The following SEH1L variants were observed in gnomAD, a reference collection of about 807,000 sequenced individuals.
SEH1L encodes SEH1 like nucleoporin.
SEH1L carries 18 observed loss-of-function variants against 49.5 expected under a neutral mutation model. The observed-to-expected ratio is 0.36, with a 90% CI of 0.25 to 0.54. SEH1L has a LOEUF of 0.54. Ranked by LOEUF, SEH1L falls within the 20% of genes least tolerant of loss-of-function variation. SEH1L has a pLI of 0.87. For missense variants in SEH1L, 404 were observed against 528.8 expected (o/e 0.76, Z 2.31); for synonymous variants, 169 against 178.1 (o/e 0.95, Z 0.41).
chr18:12,977,453 A>T (rs980865070), intron 5 of SEH1L: 3 of 152,232 alleles, frequency 2.0e-5, no homozygotes, highest in African/African-American at 7.2e-5. Context: ...TGCTGGGCGC[A>T]GTGGCTCACA....
At chr18:12,951,757 T>G in intron 1 of SEH1L, 98 bp from the exon 2 acceptor site, 1 of 723,732 alleles carries the variant, frequency 1.4e-6, no homozygotes, top group Non-Finnish European at 2.4e-6. Flanking sequence ...GTTAACTATA[T>G]GTTCACCGCT....
chr18:12,984,179 T>A lies in SEH1L; in HGVS notation c.1059T>A (p.Ser353=), dbSNP rs1568232991. ...GTCTTCAGAATTCATTAAATGGATC[T>A]TCTGCTGGCAGGTAGGCTGCTTCAT... is the stretch of plus-strand genomic sequence containing the variant. ...IPSLQNSLNG[S]SAGRYFFTPL... The change falls in exon 8 of 9, where the codon TCT becomes TCA. Residue 353 remains serine, a synonymous_variant. Transcript: ENST00000399892. 1 of 1,613,688 alleles carries A rather than the reference T, an allele frequency of 6.2e-7. No homozygotes were observed. The highest frequency in any genetic ancestry group is 8.5e-7 in the Non-Finnish European group (1 of 1,179,708).
intron 4 of SEH1L, among the ~76,000 whole-genome samples, chr18:12,963,869 C>T (rs1370905849): frequency 6.6e-6 from 1 of 152,226 alleles, no homozygotes; most frequent in African/African-American, 2.4e-5. Context: ...TGCGCCACCA[C>T]GTCTGCCTAA....
At chr18:12,975,628 A>G in intron 5 of SEH1L, 1 of 864,980 alleles carries the variant, frequency 1.2e-6, no homozygotes, top group Non-Finnish European at 1.4e-6. Context: ...CCAACAGGCC[A>G]GGCAGATTTT....
chr18:12,981,850 A>ATTTTTTTT lies in SEH1L; in HGVS notation c.762-648_762-641dup, dbSNP rs554886753. ...TTCTTTCCTACTTGCTGCCCTGCCC[A>ATTTTTTTT]TTTTTTTTTTTTTTTTTTTTTTTTT... On this transcript the variant is annotated intron_variant, in intron 6 of 8. Transcript: ENST00000399892. Among the ~76,000 whole-genome samples, 69 of 88,190 alleles carry ATTTTTTTT rather than the reference A, an allele frequency of 7.8e-4. 8 individuals are homozygous for ATTTTTTTT. The East Asian group carries it at 0.014, about 18-fold the overall frequency. The allele number at this position is 88,190 out of a possible 152,430, so 57.9% of individuals were successfully genotyped here.
intron 5 of SEH1L, among the ~76,000 whole-genome samples, chr18:12,974,840 A>G (rs1296120131): frequency 6.6e-6 from 1 of 152,200 alleles, no homozygotes; most frequent in African/African-American, 2.4e-5. Flanking sequence ...GAAAACTGAG[A>G]CCAACAGAGT....
At chr18:12,952,482 G>A (rs984048248) in intron 2 of SEH1L, among the ~76,000 whole-genome samples, 4 of 151,826 alleles carry the variant, frequency 2.6e-5, no homozygotes, top group African/African-American at 9.7e-5. Flanking sequence ...ATCCTCCCTC[G>A]GCCTCCCAAA....
intron 3 of SEH1L, among the ~76,000 whole-genome samples, chr18:12,961,120 T>G (rs995398752): frequency 6.6e-6 from 1 of 152,216 alleles, no homozygotes; most frequent in African/African-American, 2.4e-5. Context: ...AGTGGCCCAC[T>G]AGTGCCTGGG....
intron 6 of SEH1L, among the ~76,000 whole-genome samples, chr18:12,981,203 G>T (rs1031150776): frequency 6.6e-6 from 1 of 150,454 alleles, no homozygotes; most frequent in African/African-American, 2.5e-5. Context: ...GGGCAGAGAC[G>T]CTCCTCACTT....
intron 2 of SEH1L, 137 bp downstream of exon 2, chr18:12,952,042 T>G (rs1167138989): frequency 4.2e-6 from 2 of 481,806 alleles, no homozygotes; most frequent in East Asian, 7.8e-5. Flanking sequence ...TGTTTTTCGC[T>G]ATTAAAGTAA....
At chr18:12,982,759 T>A in intron 7 of SEH1L, 84 bp downstream of exon 7, 4 of 1,126,254 alleles carry the variant, frequency 3.6e-6, no homozygotes, top group Non-Finnish European at 5.0e-6. Flanking sequence ...GAAATATTTT[T>A]TGAAAATGGT....
intron 4 of SEH1L, among the ~76,000 whole-genome samples, chr18:12,967,371 AAGGCACATCCCAGCCTTCCTATGTTT>A (rs1480054099): frequency 6.6e-6 from 1 of 152,206 alleles, no homozygotes; most frequent in Non-Finnish European, 1.5e-5. Context: ...TTTTCTCCAT[AAGGCACATCCCAGCCTTCCTATGTTT>A]AGGAACACCA....
intron 6 of SEH1L, among the ~76,000 whole-genome samples, chr18:12,979,772 C>G (rs1335638225): frequency 3.6e-4 from 49 of 134,858 alleles, no homozygotes; most frequent in Admixed American, 1.6e-3. Flanking sequence ...CCCTCCCGGA[C>G]GGGGCGGCTG....
chr18:12,948,248 G>C lies in SEH1L; in HGVS notation c.111+16G>C. 1 of 1,599,126 alleles carries C rather than the reference G, an allele frequency of 6.3e-7. No individual in the cohort carries two copies. The highest frequency in any genetic ancestry group is 8.6e-7 in the Non-Finnish European group (1 of 1,168,362). On this transcript the variant is annotated intron_variant, in intron 1 of 8. Coordinates refer to ENST00000399892, the MANE Select transcript of SEH1L (RefSeq NM_001013437.2). ...GAGCGTTAAGGTGCGCGCGGCGCTT[G>C]CGGGCGGGGCCGACCCCGGAAGGAA...
chr18:12,971,123 A>G (rs1377877625), intron 4 of SEH1L, 30 bp from the exon 5 acceptor site: 5 of 1,460,716 alleles, frequency 3.4e-6, no homozygotes, highest in Non-Finnish European at 4.8e-6. Flanking sequence ...TTCTTTTGTT[A>G]TCTAAAATGT....
At chr18:12,967,540 A>G (rs1435513002) in intron 4 of SEH1L, among the ~76,000 whole-genome samples, 1 of 152,228 alleles carries the variant, frequency 6.6e-6, no homozygotes, top group East Asian at 1.9e-4. Context: ...CAGCCAAAGG[A>G]AGAAGGCACT....
intron 4 of SEH1L, among the ~76,000 whole-genome samples, chr18:12,965,723 G>T (rs2031420758): frequency 1.3e-5 from 2 of 152,150 alleles, no homozygotes; most frequent in South Asian, 4.1e-4. Flanking sequence ...ATTATTCTGA[G>T]CTCTCTTGCA....
chr18:12,978,441 GTC>G (rs574341416), intron 5 of SEH1L: 75 of 201,472 alleles, frequency 3.7e-4, no homozygotes, highest in Non-Finnish European at 6.6e-4. Context: ...CCTCCTCTCT[GTC>G]TCTGCGTTTC....
rs1375911150 is a variant in SEH1L, at chr18:12,980,200, C to T, written c.761+1308C>T. 9.0e-5 allele frequency among the ~76,000 whole-genome samples: 12 copies of T among 132,796 alleles called. 1 individual carries two copies. Among genetic ancestry groups the T allele is most frequent in the African/African-American group, 1.1e-4 (4 of 35,526 alleles). 87.1% of individuals were successfully genotyped at this position (132,796 alleles called of 152,430 possible). A position where few individuals can be genotyped will look rare whatever the true frequency, so the allele number is the denominator to read the frequency against. Reference sequence around the variant, plus strand: ...TCACCTCCCGGATGGGGCGGCTGGCCGGGCGGGGGGCTGACCCCCCCACCT... The same window carrying T: ...TCACCTCCCGGATGGGGCGGCTGGCTGGGCGGGGGGCTGACCCCCCCACCT... On this transcript the variant is annotated intron_variant, in intron 6 of 8. Coordinates refer to ENST00000399892, the MANE Select transcript of SEH1L (RefSeq NM_001013437.2).
Sources: allele counts gnomAD v4.1 joint callset (sites outside exome capture counted in the v4.1 genomes callset), GRCh38; gene constraint gnomAD v4.1.1; transcripts MANE v1.5; gene names NCBI Gene and HGNC (gene_info 2026-07-23, HGNC 2026-07-21).